The following PRKCB variants were observed in gnomAD, a reference collection of about 807,000 sequenced individuals.
The protein encoded by PRKCB is protein kinase C beta.
A neutral mutation model predicts 81.5 loss-of-function variants in PRKCB; 13 were observed. That is an observed-to-expected ratio of 0.16 (90% confidence interval 0.10 to 0.25). PRKCB has a LOEUF of 0.25. Among genes scored for constraint, PRKCB ranks in the 10% least tolerant of loss-of-function variants. The probability of loss-of-function intolerance (pLI) is 1.00; values close to 1 mark genes in which losing one functional copy is unlikely to be tolerated. For synonymous variants in PRKCB, 335 were observed against 321.4 expected (o/e 1.04, Z -0.45); for missense variants, 509 against 875.7 (o/e 0.58, Z 5.29).
chr16:23,984,680 TATC>T (rs1186356198), intron 2 of PRKCB, among the ~76,000 whole-genome samples: 3 of 152,152 alleles, frequency 2.0e-5, no homozygotes, highest in Non-Finnish European at 4.4e-5. Flanking sequence ...AAAGGTGTAA[TATC>T]ATCCCAGATA....
Position 24,078,592 on chromosome 16 carries a change from C to T in PRKCB, c.530-14199C>T, listed in dbSNP as rs187219863. 4.2e-4 allele frequency among the ~76,000 whole-genome samples: 64 copies of T among 152,306 alleles called. 1 individual carries two copies. Among genetic ancestry groups the T allele is most frequent in the Non-Finnish European group, 4.4e-4 (30 of 68,034 alleles). On this transcript the variant is annotated intron_variant, in intron 5 of 16. Transcript: ENST00000643927. ...GAGCTCCTCTTCCATCTGCATCAAG[C>T]CCTGAAAACTCTGCCGTGCATGAGT...
chr16:23,906,501 G>A (rs1207809816), intron 2 of PRKCB, among the ~76,000 whole-genome samples: 1 of 152,040 alleles, frequency 6.6e-6, no homozygotes, highest in Admixed American at 6.5e-5. Flanking sequence ...AAACTCTGTA[G>A]ACATTAAAAA....
chr16:24,145,625 T>C (rs2238493), intron 9 of PRKCB, among the ~76,000 whole-genome samples: 15,357 of 152,150 alleles, frequency 0.1, 862 homozygotes, highest in East Asian at 0.22. Context: ...GAACTGAGGG[T>C]GACTGGATTT....
intron 5 of PRKCB, among the ~76,000 whole-genome samples, chr16:24,053,214 G>A (rs1353129855): frequency 6.6e-6 from 1 of 152,246 alleles, no homozygotes; most frequent in Non-Finnish European, 1.5e-5. Flanking sequence ...TCTTCTGCAT[G>A]TCAGGCATTG....
At chr16:23,974,422 C>G (rs1964598928) in intron 2 of PRKCB, among the ~76,000 whole-genome samples, 1 of 152,088 alleles carries the variant, frequency 6.6e-6, no homozygotes, top group South Asian at 2.1e-4. Flanking sequence ...AGGACAGAGC[C>G]TCGAGAACTT....
Position 23,907,267 on chromosome 16 carries a change from C to T in PRKCB, c.205+69861C>T, listed in dbSNP as rs548204915. Among the ~76,000 whole-genome samples the T allele has an allele frequency of 8.9e-4, 136 of 152,314 alleles. 1 individual carries two copies. Among genetic ancestry groups the T allele is most frequent in the Middle Eastern group, 3.4e-3 (1 of 294 alleles). ...AATTACTGCTTTATCAAGCCTGGGT[C>T]GAGCAGACCTCCCATCCATTTCTTT... On this transcript the variant is annotated intron_variant, in intron 2 of 16. Coordinates refer to ENST00000643927, the MANE Select transcript of PRKCB (RefSeq NM_002738.7).
In PRKCB at chr16:23,878,913, A is replaced by G. The variant is rs527752521; in HGVS notation, c.205+41507A>G. Among the ~76,000 whole-genome samples the G allele has an allele frequency of 1.6e-3, 243 of 152,154 alleles. 8 individuals are homozygous for G. The South Asian group carries it at 0.049, about 31-fold the overall frequency. On this transcript the variant is annotated intron_variant, in intron 2 of 16. Transcript: ENST00000643927. ...TGTTGGCTGGGTGTGGTGGTGGTTCATGCTGTAATCCTAGCACTTTGGGAG... is the reference window on the plus strand; with the variant it reads ...TGTTGGCTGGGTGTGGTGGTGGTTCGTGCTGTAATCCTAGCACTTTGGGAG...
chr16:23,865,466 C>CATATATATATAT (rs375074228), intron 2 of PRKCB, among the ~76,000 whole-genome samples: 1 of 36,002 alleles, frequency 2.8e-5, no homozygotes, highest in African/African-American at 1.0e-4. Flanking sequence ...CAATGCCCGG[C>CATATATATATAT]ATATATATAT....
chr16:24,017,956 C>T (rs142333672), intron 3 of PRKCB, among the ~76,000 whole-genome samples: 1,949 of 142,640 alleles, frequency 0.014, 41 homozygotes, highest in African/African-American at 0.049. Flanking sequence ...TGGAGTGCAG[C>T]GGTGCAATCT....
rs916475158 is a variant in PRKCB at position 24,128,429 on chromosome 16, G to A, written c.1065+4448G>A. Among the ~76,000 whole-genome samples, 3 of 152,340 alleles carry A rather than the reference G, an allele frequency of 2.0e-5. No homozygotes were observed. In the South Asian group the frequency reaches 6.2e-4, roughly 32 times the overall value. Reference sequence around the variant, plus strand: ...ATAATTTGTGGGGCAACTAGGGAATGGCACAAGCCTTTTGGTAAGCCCTGT... The same window carrying A: ...ATAATTTGTGGGGCAACTAGGGAATAGCACAAGCCTTTTGGTAAGCCCTGT... On this transcript the variant is annotated intron_variant, in intron 9 of 16. Coordinates refer to ENST00000643927, the MANE Select transcript of PRKCB (RefSeq NM_002738.7).
At chr16:24,128,078 T>C (rs1247479574) in intron 9 of PRKCB, among the ~76,000 whole-genome samples, 3 of 114,706 alleles carry the variant, frequency 2.6e-5, no homozygotes, top group East Asian at 3.3e-4. Flanking sequence ...AAACAAAACA[T>C]GTTTTTAAAC....
At chr16:24,132,137 A>C (rs936945360) in intron 9 of PRKCB, among the ~76,000 whole-genome samples, 35 of 151,790 alleles carry the variant, frequency 2.3e-4, no homozygotes, top group African/African-American at 8.0e-4. Context: ...TTTCCTCCCC[A>C]CCCACTCCTT....
intron 2 of PRKCB, among the ~76,000 whole-genome samples, chr16:23,950,131 A>AGGT (rs147754963): frequency 3.4e-4 from 3 of 8,912 alleles, no homozygotes; most frequent in East Asian, 0.028. Context: ...CTATGATTTG[A>AGGT]ATTTTTTTTT....
At position 24,000,268 on chromosome 16, in the gene PRKCB, A is replaced by AGT. The variant is rs1965014360; in HGVS notation, c.288+11682_288+11683dup. ...GACTTTATAAAAATCTGCATGTTAT[A>AGT]GTGTGGCTCAGAGTCATAGATGGCC... On this transcript the variant is annotated intron_variant, in intron 3 of 16. Transcript: ENST00000643927. 3.3e-5 allele frequency among the ~76,000 whole-genome samples: 5 copies of AGT among 152,328 alleles called. No homozygotes were observed. The South Asian group carries it at 1.0e-3, about 32-fold the overall frequency.
At chr16:24,103,427 GTTTTC>G (rs1367340009) in intron 7 of PRKCB, among the ~76,000 whole-genome samples, 3 of 151,852 alleles carry the variant, frequency 2.0e-5, no homozygotes, top group Non-Finnish European at 2.9e-5. Flanking sequence ...TTTCCCTCCT[GTTTTC>G]TTTCCTTTCT....
intron 2 of PRKCB, among the ~76,000 whole-genome samples, chr16:23,974,090 T>G (rs1018044380): frequency 6.6e-6 from 1 of 152,066 alleles, no homozygotes; most frequent in Non-Finnish European, 1.5e-5. Flanking sequence ...GGGCTGGTTT[T>G]GGGTGATAAT....
chr16:24,176,846 A>C (rs1967542271), intron 12 of PRKCB, among the ~76,000 whole-genome samples: 1 of 151,394 alleles, frequency 6.6e-6, no homozygotes, highest in Non-Finnish European at 1.5e-5. Context: ...GTGAGCTGAG[A>C]TCACCCCGTT....
At chr16:24,101,166 AAT>A (rs1181002987) in intron 7 of PRKCB, among the ~76,000 whole-genome samples, 3 of 152,146 alleles carry the variant, frequency 2.0e-5, no homozygotes, top group African/African-American at 7.2e-5. Context: ...CTTTGTGGCT[AAT>A]ATGTTAGTTT....
chr16:23,912,903 C>T (rs1287443952), intron 2 of PRKCB, among the ~76,000 whole-genome samples: 1 of 151,848 alleles, frequency 6.6e-6, no homozygotes, highest in Admixed American at 6.6e-5. Flanking sequence ...AAGCTCACTG[C>T]AGCCTCGAAC....
Sources: gnomAD v4.1 joint callset for allele counts (sites outside exome capture counted in the v4.1 genomes callset) on GRCh38, gnomAD v4.1.1 for gene constraint, MANE v1.5 for transcripts, NCBI Gene and HGNC (gene_info 2026-07-23, HGNC 2026-07-21) for gene names.